Variants in SCTR observed in about 807,000 individuals in gnomAD.
SCTR encodes secretin receptor.
SCTR carries 56 observed loss-of-function variants against 60.8 expected under a neutral mutation model. The ratio of observed to expected loss-of-function variants is 0.92; its 90% confidence interval spans 0.74 to 1.15. The LOEUF is 1.15. Among genes scored for constraint, SCTR ranks in the 50% most tolerant of loss-of-function variants. The pLI is 0.00. For missense variants in SCTR, 562 were observed against 550.4 expected, an observed-to-expected ratio of 1.02 and a Z score of -0.21; for synonymous variants, 202 against 217.0, an observed-to-expected ratio of 0.93 and a Z score of 0.61.
chr2:119,459,523 G>A (rs539051182), intron 7 of SCTR, among the ~76,000 whole-genome samples: 146 of 152,056 alleles, frequency 9.6e-4, no homozygotes, highest in Non-Finnish European at 1.8e-3. Context: ...CGTTACCTTC[G>A]CATGAAAAGG....
chr2:119,440,568 C>T (rs908203137), intron 12 of SCTR, among the ~76,000 whole-genome samples: 1 of 152,204 alleles, frequency 6.6e-6, no homozygotes, highest in African/African-American at 2.4e-5. Context: ...AGCTCCCTGG[C>T]CCCCAGGCTG....
chr2:119,452,063 C>G lies in SCTR; in HGVS notation c.868G>C (p.Ala290Pro), dbSNP rs747440974. ...ATGATCCACCAGATGGATGCGTTGG[C>G]ATTGATGTCCCAGCACCTAAGGGAG... ...LEDVGCWDINANASIWWIIRG... is the reference protein window; with the variant it reads ...LEDVGCWDINPNASIWWIIRG... The change falls in exon 9 of 13, where the codon GCC (alanine) becomes CCC (proline). Residue 290 changes from alanine to proline, a missense_variant. By Grantham distance (27) the Ala-to-Pro change is conservative. Coordinates refer to ENST00000019103, the MANE Select transcript of SCTR (RefSeq NM_002980.3). The G allele has an allele frequency of 6.2e-7, 1 of 1,607,130 alleles. No individual in the cohort carries two copies. Among genetic ancestry groups the G allele is most frequent in the Non-Finnish European group, 8.5e-7 (1 of 1,175,906 alleles).
chr2:119,502,288 A>G (rs1318292259), intron 1 of SCTR, among the ~76,000 whole-genome samples: 2 of 152,152 alleles, frequency 1.3e-5, no homozygotes, highest in Non-Finnish European at 2.9e-5. Context: ...AGAATCAATT[A>G]AAAAAAGAGA....
intron 11 of SCTR, 46 bp from the exon 12 acceptor site, chr2:119,441,645 T>C: frequency 6.3e-7 from 1 of 1,586,356 alleles, no homozygotes; most frequent in Non-Finnish European, 8.6e-7. Context: ...GTGCTCAGCA[T>C]GCGGCCTGAA....
At chr2:119,492,806 GT>G (rs1386796360) in intron 2 of SCTR, among the ~76,000 whole-genome samples, 22 of 150,760 alleles carry the variant, frequency 1.5e-4, no homozygotes, top group Non-Finnish European at 2.2e-4. Flanking sequence ...AAATCATACA[GT>G]GTGTTCCTTT....
At position 119,448,554 on chromosome 2, in the gene SCTR, G is replaced by A; in HGVS notation, c.1013+135C>T. 4.7e-6 allele frequency: 3 copies of A among 633,532 alleles called. No homozygotes were observed. The South Asian group carries it at 5.6e-5, about 12-fold the overall frequency. 39.2% of individuals were successfully genotyped at this position (633,532 alleles called of 1,614,324 possible). A position where few individuals can be genotyped will look rare whatever the true frequency, so the allele number is the denominator to read the frequency against. On this transcript the variant is annotated intron_variant, in intron 10 of 12. Transcript: ENST00000019103. ...GACCATTCCCCGCAACCGCCCCCATGTACCTGGTAAACTTCTTACGACTAG... is the reference window on the plus strand; with the variant it reads ...GACCATTCCCCGCAACCGCCCCCATATACCTGGTAAACTTCTTACGACTAG...
At chr2:119,474,903 T>G (rs548648233) in intron 3 of SCTR, among the ~76,000 whole-genome samples, 61 of 152,332 alleles carry the variant, frequency 4.0e-4, no homozygotes, top group African/African-American at 1.4e-3. Flanking sequence ...TCAGGAGGCC[T>G]GGAGCGCAGG....
chr2:119,467,247 C>T (rs7606847), intron 4 of SCTR, among the ~76,000 whole-genome samples: 43,925 of 151,746 alleles, frequency 0.29, 8,366 homozygotes, highest in African/African-American at 0.55. Flanking sequence ...GGCATGGTGG[C>T]GTGCACCTGT....
At chr2:119,466,022 C>T in intron 4 of SCTR, 136 bp from the exon 5 acceptor site, 1 of 634,900 alleles carries the variant, frequency 1.6e-6, no homozygotes, top group Non-Finnish European at 2.9e-6. Flanking sequence ...CGCCAATTCA[C>T]AGACACATAA....
At position 119,448,869 on chromosome 2, in the gene SCTR, G is replaced by T; in HGVS notation, c.922-89C>A. On this transcript the variant is annotated intron_variant, in intron 9 of 12. Coordinates refer to ENST00000019103, the MANE Select transcript of SCTR (RefSeq NM_002980.3). Reference sequence around the variant, plus strand: ...CCTGTCCCCTGGACCTGAGGGCAGAGAAGACATTGCAGACACCACAGCCAG... The same window carrying T: ...CCTGTCCCCTGGACCTGAGGGCAGATAAGACATTGCAGACACCACAGCCAG... The T allele has an allele frequency of 5.5e-6, 4 of 721,258 alleles. No individual in the cohort carries two copies. The Admixed American group carries it at 6.4e-5, about 12-fold the overall frequency. 44.7% of individuals were successfully genotyped at this position (721,258 alleles called of 1,614,324 possible).
chr2:119,498,170 G>A (rs190667474), intron 1 of SCTR, among the ~76,000 whole-genome samples: 2 of 152,174 alleles, frequency 1.3e-5, no homozygotes, highest in Admixed American at 6.5e-5. Flanking sequence ...AAACAGTTAA[G>A]ATGACAACTG....
intron 7 of SCTR, among the ~76,000 whole-genome samples, chr2:119,454,869 G>T (rs894037940): frequency 3.7e-5 from 5 of 136,000 alleles, no homozygotes; most frequent in African/African-American, 1.1e-4. Flanking sequence ...AAAAAAAAAT[G>T]TAAAATATGT....
chr2:119,475,510 A>T (rs1159362709), intron 3 of SCTR, among the ~76,000 whole-genome samples: 3 of 151,480 alleles, frequency 2.0e-5, no homozygotes, highest in Admixed American at 1.3e-4. Flanking sequence ...CTGCCTCCCC[A>T]CTTCCCCAGG....
chr2:119,470,806 C>T (rs925890856), intron 4 of SCTR, among the ~76,000 whole-genome samples: 3 of 152,194 alleles, frequency 2.0e-5, no homozygotes, highest in African/African-American at 7.2e-5. Flanking sequence ...GTTCAAGCGA[C>T]TCTTGTGCCT....
intron 2 of SCTR, among the ~76,000 whole-genome samples, chr2:119,493,639 TTC>T (rs1491409079): frequency 2.1e-5 from 2 of 95,990 alleles, no homozygotes; most frequent in African/African-American, 3.0e-5. Flanking sequence ...TCCATTCTTC[TTC>T]TTTTTTTTTT....
chr2:119,497,528 A>T (rs1378971766), intron 1 of SCTR, among the ~76,000 whole-genome samples: 1 of 152,204 alleles, frequency 6.6e-6, no homozygotes, highest in Non-Finnish European at 1.5e-5. Flanking sequence ...GATCTGACAA[A>T]GATTTTAAAG....
Position 119,461,949 on chromosome 2 carries a change from A to G in SCTR, c.688T>C (p.Tyr230His). 6.2e-7 allele frequency: 1 copy of G among 1,614,008 alleles called. No homozygotes were observed. The highest frequency in any genetic ancestry group is 8.5e-7 in the Non-Finnish European group (1 of 1,179,936). Reference protein sequence around the residue: ...VLFQYCIMANYSWLLVEGLYL... With the variant: ...VLFQYCIMANHSWLLVEGLYL... ...AGGCCTTCCACCAGCAGCCAGGAGT[A>G]GTTGGCCATGATGCAGTACTGGAAC... Residue 230 changes from tyrosine (Y) to histidine (H), a missense_variant, in exon 7 of 13, where the codon TAC becomes CAC. Transcript: ENST00000019103.
intron 11 of SCTR, among the ~76,000 whole-genome samples, chr2:119,444,272 T>C (rs971572884): frequency 1.5e-5 from 2 of 137,660 alleles, no homozygotes; most frequent in South Asian, 2.2e-4. Flanking sequence ...TATATACATA[T>C]ATACATATGA....
chr2:119,520,456 A>G (rs1573937298), intron 1 of SCTR, among the ~76,000 whole-genome samples: 1 of 152,270 alleles, frequency 6.6e-6, no homozygotes, highest in East Asian at 1.9e-4. Context: ...CCATAATCGC[A>G]CCATTGCACT....
Sources: allele counts gnomAD v4.1 joint callset (sites outside exome capture counted in the v4.1 genomes callset), GRCh38; gene constraint gnomAD v4.1.1; transcripts MANE v1.5; gene names NCBI Gene and HGNC (gene_info 2026-07-23, HGNC 2026-07-21).